PMVK: variants seen among roughly 807,000 people sequenced by gnomAD.
The protein encoded by PMVK is testis tissue sperm-binding protein Li 95mP.
A neutral mutation model predicts 19.0 loss-of-function variants in PMVK; 10 were observed. That is an observed-to-expected ratio of 0.53 (90% confidence interval 0.32 to 0.89). The LOEUF (loss-of-function observed/expected upper bound fraction) is 0.89. Among genes scored for constraint, PMVK ranks in the 40% least tolerant of loss-of-function variants. The pLI, the probability that PMVK is intolerant of heterozygous loss-of-function variation, is 0.03. For missense variants in PMVK, 222 were observed against 251.1 expected, an observed-to-expected ratio of 0.88 and a Z score of 0.78; for synonymous variants, 108 against 101.6, an observed-to-expected ratio of 1.06 and a Z score of -0.38.
chr1:154,931,093 G>GA (rs1437472783), intron 2 of PMVK, among the ~76,000 whole-genome samples: 3 of 150,634 alleles, frequency 2.0e-5, no homozygotes, highest in Non-Finnish European at 4.4e-5. Context: ...GTCTCAAAAA[G>GA]AAAAAAAAAT....
intron 2 of PMVK, among the ~76,000 whole-genome samples, chr1:154,931,643 G>T (rs777596350): frequency 6.6e-6 from 1 of 152,074 alleles, no homozygotes; most frequent in Non-Finnish European, 1.5e-5. Flanking sequence ...GTAAATATTT[G>T]TTAAATAGCC....
intron 1 of PMVK, 78 bp from the exon 2 acceptor site, chr1:154,932,493 G>A: frequency 1.0e-6 from 1 of 986,912 alleles, no homozygotes; most frequent in Admixed American, 2.6e-5. Context: ...GAGTCAAGAG[G>A]CCTGTGTTGA....
the PMVK span, among the ~76,000 whole-genome samples, chr1:154,941,962 A>C: frequency 6.6e-6 from 1 of 152,010 alleles, no homozygotes; most frequent in Non-Finnish European, 1.5e-5. Context: ...GAAGAATGAG[A>C]GATAAGGACG....
intron 1 of PMVK, among the ~76,000 whole-genome samples, chr1:154,935,783 A>G (rs944154413): frequency 6.6e-6 from 1 of 152,132 alleles, no homozygotes; most frequent in African/African-American, 2.4e-5. Flanking sequence ...TGTAGCCCCC[A>G]GGTTCAAGCG....
chr1:154,940,212 T>C (rs1409743329), upstream of PMVK, among the ~76,000 whole-genome samples: 1 of 152,246 alleles, frequency 6.6e-6, no homozygotes, highest in Non-Finnish European at 1.5e-5. Context: ...CACTTTCCTC[T>C]CCACAGCATG....
At chr1:154,936,532 C>G in intron 1 of PMVK, 59 bp downstream of exon 1, 1 of 1,551,278 alleles carries the variant, frequency 6.4e-7, no homozygotes, top group Non-Finnish European at 8.7e-7. Flanking sequence ...CCCAAAAGCA[C>G]TCCTCGTGTC....
intron 1 of PMVK, among the ~76,000 whole-genome samples, chr1:154,935,727 G>T (rs1328750257): frequency 6.6e-6 from 1 of 152,130 alleles, no homozygotes; most frequent in African/African-American, 2.4e-5. Context: ...CAGGGTCTCA[G>T]GCTCTGCTGC....
chr1:154,925,416 C>A, intron 4 of PMVK, 151 bp from the exon 5 acceptor site: 1 of 769,946 alleles, frequency 1.3e-6, no homozygotes, highest in Non-Finnish European at 2.2e-6. Context: ...ACCTCCCTAC[C>A]CCTGAAACAC....
chr1:154,927,665 C>T (rs567252536), intron 3 of PMVK, among the ~76,000 whole-genome samples: 1 of 144,908 alleles, frequency 6.9e-6, no homozygotes, highest in Non-Finnish European at 1.5e-5. Context: ...TCTGACCTGA[C>T]CTTCCACCAC....
chr1:154,933,580 G>A (rs1408261017), intron 1 of PMVK, among the ~76,000 whole-genome samples: 1 of 120,250 alleles, frequency 8.3e-6, no homozygotes, highest in African/African-American at 3.3e-5. Flanking sequence ...TGCAATCTCC[G>A]CCTCCCAGGT....
intron 1 of PMVK, among the ~76,000 whole-genome samples, chr1:154,934,241 C>A (rs1654431394): frequency 6.6e-6 from 1 of 152,190 alleles, no homozygotes; most frequent in Non-Finnish European, 1.5e-5. Flanking sequence ...TCAAGTGATC[C>A]ACCCTTCTCG....
In PMVK at chr1:154,928,964, T is replaced by C. The variant is rs1571379896; in HGVS notation, c.312+60A>G. On this transcript the variant is annotated intron_variant, in intron 3 of 4. Coordinates refer to ENST00000368467, the MANE Select transcript of PMVK (RefSeq NM_006556.4). ...TGGTGGCAGTGGAGACAGAGAGAGA[T>C]GGACACAGCGAAGAGCTAGGGAAAC... The C allele has an allele frequency of 1.3e-5, 20 of 1,525,262 alleles. No homozygotes were observed. The East Asian group carries it at 4.3e-4, about 33-fold the overall frequency. The allele number at this position is 1,525,262 out of a possible 1,614,324, so 94.5% of individuals were successfully genotyped here.
chr1:154,937,552 A>T (rs975575825), upstream of PMVK: 1 of 152,224 alleles, frequency 6.6e-6, no homozygotes, highest in Non-Finnish European at 1.5e-5. Flanking sequence ...GAGAGGCAGG[A>T]TAAGAATAAT....
At chr1:154,931,671 TATTTAGA>T (rs1457650914) in intron 2 of PMVK, among the ~76,000 whole-genome samples, 2 of 152,130 alleles carry the variant, frequency 1.3e-5, no homozygotes, top group Non-Finnish European at 2.9e-5. Context: ...TGAGCAGATA[TATTTAGA>T]ATTCTTTTAC....
chr1:154,942,425 GCTC>G, the PMVK span, among the ~76,000 whole-genome samples: 2 of 152,234 alleles, frequency 1.3e-5, no homozygotes, highest in Non-Finnish European at 2.9e-5. Context: ...TGGACCCTGG[GCTC>G]CTCCTCACCA....
At chr1:154,941,542 T>C (rs191898286), upstream of PMVK, among the ~76,000 whole-genome samples, 10 of 152,270 alleles carry the variant, frequency 6.6e-5, no homozygotes, top group Admixed American at 6.5e-4. Flanking sequence ...CCAGGCAGGA[T>C]GAGGAGACAT....
upstream of PMVK, among the ~76,000 whole-genome samples, chr1:154,939,509 C>A (rs1302859264): frequency 7.3e-5 from 11 of 151,420 alleles, 1 homozygote. Context: ...CACGGTGAAA[C>A]CCCATTTCTA....
chr1:154,941,710 C>T (rs1369307588), upstream of PMVK, among the ~76,000 whole-genome samples: 1 of 152,168 alleles, frequency 6.6e-6, no homozygotes, highest in African/African-American at 2.4e-5. Flanking sequence ...GGCTGGGAAG[C>T]GAAGTGACCC....
intron 1 of PMVK, chr1:154,936,316 T>C: frequency 1.2e-6 from 1 of 867,384 alleles, no homozygotes; most frequent in Non-Finnish European, 1.4e-6. Context: ...GCCTGGTATA[T>C]AGAAAGTGCC....
Sources: gnomAD v4.1 joint callset for allele counts (sites outside exome capture counted in the v4.1 genomes callset) on GRCh38, gnomAD v4.1.1 for gene constraint, MANE v1.5 for transcripts, NCBI Gene and HGNC (gene_info 2026-07-23, HGNC 2026-07-21) for gene names.